Variants in BBS12 observed in about 807,000 individuals in gnomAD.
BBS12 encodes the protein chaperonin-containing T-complex member BBS12.
In BBS12, 5 loss-of-function variants were observed where a neutral mutation model predicts 5.6. That is an observed-to-expected ratio of 0.89 (90% CI 0.46 to 1.86). The LOEUF (loss-of-function observed/expected upper bound fraction) is 1.86, where lower values mean the gene tolerates loss of function less well. BBS12 is among the 40% of genes most tolerant of loss of function. BBS12 has a pLI of 0.01. For synonymous variants in BBS12, 308 were observed against 306.8 expected, an observed-to-expected ratio of 1.00 and a Z score of -0.04; for missense variants, 748 against 830.4, an observed-to-expected ratio of 0.90 and a Z score of 1.22.
the BBS12 span, among the ~76,000 whole-genome samples, chr4:122,718,712 G>GTGAAATGAAATGAAATGAAATGAAA: frequency 1.2e-3 from 176 of 146,312 alleles, no homozygotes; most frequent in Admixed American, 3.6e-3. Context: ...GGGATTCGAT[G>GTGAAATGAAATGAAATGAAATGAAA]TGAAATGAAA....
At chr4:122,723,901 T>G in the BBS12 span, among the ~76,000 whole-genome samples, 1 of 152,218 alleles carries the variant, frequency 6.6e-6, no homozygotes, top group Non-Finnish European at 1.5e-5. Flanking sequence ...CAGATGCGTG[T>G]GTGACAAGCA....
chr4:122,721,606 G>T, the BBS12 span, among the ~76,000 whole-genome samples: 1 of 152,134 alleles, frequency 6.6e-6, no homozygotes, highest in Admixed American at 6.5e-5. Context: ...TGACTCAAAG[G>T]CTTGCTAACT....
chr4:122,728,819 T>A (rs140401861), upstream of BBS12: 6 of 152,358 alleles, frequency 3.9e-5, no homozygotes, highest in Non-Finnish European at 8.8e-5. Flanking sequence ...GTAGTGTCAC[T>A]ATAGTTAATT....
At chr4:122,724,046 A>G in the BBS12 span, among the ~76,000 whole-genome samples, 1 of 152,194 alleles carries the variant, frequency 6.6e-6, no homozygotes, top group Admixed American at 6.5e-5. Flanking sequence ...ATATCTAGCC[A>G]TTCAATAGGG....
the BBS12 span, among the ~76,000 whole-genome samples, chr4:122,708,016 C>CT: frequency 0.012 from 1,603 of 131,726 alleles, 29 homozygotes; most frequent in Non-Finnish European, 0.017. Flanking sequence ...TTTTTCTTTC[C>CT]TTTTTTTTTT....
chr4:122,707,349 T>G, the BBS12 span, among the ~76,000 whole-genome samples: 24 of 152,244 alleles, frequency 1.6e-4, no homozygotes, highest in Admixed American at 9.2e-4. Context: ...ATTGAAACCA[T>G]GTATCTTAAC....
chr4:122,712,747 A>G, the BBS12 span, among the ~76,000 whole-genome samples: 1 of 152,216 alleles, frequency 6.6e-6, no homozygotes, highest in Non-Finnish European at 1.5e-5. Context: ...TGGAGGTATA[A>G]GTTGTGTAAA....
the BBS12 span, among the ~76,000 whole-genome samples, chr4:122,714,787 G>A: frequency 6.6e-6 from 1 of 151,916 alleles, no homozygotes; most frequent in African/African-American, 2.4e-5. Flanking sequence ...AATAAGTCAA[G>A]CTTTAAAAGA....
chr4:122,730,148 T>C (rs1217978204), upstream of BBS12: 1 of 152,210 alleles, frequency 6.6e-6, no homozygotes, highest in East Asian at 1.9e-4. Context: ...TTTATGTATT[T>C]GAGTAACTGA....
the BBS12 span, among the ~76,000 whole-genome samples, chr4:122,709,075 G>A: frequency 1.3e-5 from 2 of 151,532 alleles, no homozygotes; most frequent in Non-Finnish European, 2.9e-5. Context: ...GTGTGTGTGT[G>A]TATATATATA....
Position 122,742,236 on chromosome 4 carries a change from T to C in BBS12, c.344T>C (p.Val115Ala), listed in dbSNP as rs144179606. The C allele has an allele frequency of 3.2e-4, 512 of 1,613,788 alleles. No homozygotes were observed. The highest frequency in any genetic ancestry group is 4.1e-4 in the Non-Finnish European group (486 of 1,180,034). ...LGVPISIIVS[V>A]MSEGLNFCSE... ...GTCCCCATTTCCATAATAGTATCAG[T>C]AATGTCAGAAGGCTTAAACTTTTGT... Residue 115 changes from valine (V) to alanine (A), a missense_variant, in exon 2 of 2, where the codon GTA (valine) becomes GCA (alanine). By Grantham distance (64) the Val-to-Ala change is moderately conservative. Transcript: ENST00000314218.
chr4:122,741,885 C>G lies in BBS12; in HGVS notation c.-8C>G. On this transcript the variant is annotated splice_region_variant and 5_prime_UTR_variant, in exon 2 of 2. It adds an upstream start codon to the 5' untranslated region. Transcript: ENST00000314218. ...ACAAGTTTTTATTTTGTTTGCAGATCATGATACATGGTGATGGCTTGCAGA... is the reference window on the plus strand; with the variant it reads ...ACAAGTTTTTATTTTGTTTGCAGATGATGATACATGGTGATGGCTTGCAGA... 1 of 1,613,126 alleles carries G rather than the reference C, an allele frequency of 6.2e-7. No homozygotes were observed. The highest frequency in any genetic ancestry group is 8.5e-7 in the Non-Finnish European group (1 of 1,179,254).
intron 1 of BBS12, chr4:122,733,907 G>A (rs1800745445): frequency 7.0e-6 from 1 of 142,378 alleles, no homozygotes; most frequent in South Asian, 2.2e-4. Context: ...CCTGAAGGCA[G>A]GAGAGGAAAA....
chr4:122,737,525 T>G (rs1800800688), intron 1 of BBS12, among the ~76,000 whole-genome samples: 1 of 152,222 alleles, frequency 6.6e-6, no homozygotes, highest in Non-Finnish European at 1.5e-5. Context: ...ATAATACTTG[T>G]AAAATGCCTC....
chr4:122,725,637 G>A, the BBS12 span, among the ~76,000 whole-genome samples: 2 of 152,116 alleles, frequency 1.3e-5, no homozygotes, highest in African/African-American at 4.8e-5. Context: ...AGTGGCTCTT[G>A]CCTGTAATCC....
intron 1 of BBS12, among the ~76,000 whole-genome samples, chr4:122,739,002 A>G (rs770579645): frequency 1.3e-5 from 2 of 152,206 alleles, no homozygotes; most frequent in African/African-American, 2.4e-5. Context: ...GTGGGCCCTA[A>G]ATCCAATGAC....
At chr4:122,721,274 G>A in the BBS12 span, among the ~76,000 whole-genome samples, 1 of 152,006 alleles carries the variant, frequency 6.6e-6, no homozygotes, top group African/African-American at 2.4e-5. Flanking sequence ...GTTTATAAAA[G>A]ACAAAAAATA....
chr4:122,715,779 C>T, the BBS12 span, among the ~76,000 whole-genome samples: 1 of 152,222 alleles, frequency 6.6e-6, no homozygotes, highest in Non-Finnish European at 1.5e-5. Flanking sequence ...TACAGTGCAC[C>T]TATTTTTTCC....
At chr4:122,719,669 G>A in the BBS12 span, among the ~76,000 whole-genome samples, 8 of 152,142 alleles carry the variant, frequency 5.3e-5, no homozygotes, top group African/African-American at 1.2e-4. Context: ...ACCAATTCCC[G>A]ACACAAGACT....
Sources: allele counts gnomAD v4.1 joint callset (sites outside exome capture counted in the v4.1 genomes callset), GRCh38; gene constraint gnomAD v4.1.1; transcripts MANE v1.5; gene names NCBI Gene and HGNC (gene_info 2026-07-23, HGNC 2026-07-21).